ANO4: variants seen among roughly 807,000 people sequenced by gnomAD.
ANO4 encodes anoctamin 4.
ANO4 carries 69 observed loss-of-function variants against 141.9 expected under a neutral mutation model. The ratio of observed to expected loss-of-function variants is 0.49; its 90% CI spans 0.40 to 0.59. The LOEUF (loss-of-function observed/expected upper bound fraction) is 0.59, where lower values mean the gene tolerates loss of function less well. Among genes scored for constraint, ANO4 ranks in the 20% least tolerant of loss-of-function variants. The pLI is 0.00. For missense variants in ANO4, 894 were observed against 1,162.2 expected, an observed-to-expected ratio of 0.77 and a Z score of 3.36; for synonymous variants, 350 against 394.3, an observed-to-expected ratio of 0.89 and a Z score of 1.33.
chr12:101,094,167 C>T (rs960842154), intron 17 of ANO4, 89 bp from the exon 18 acceptor site: 8 of 1,019,572 alleles, frequency 7.8e-6, no homozygotes, highest in African/African-American at 1.6e-5. Flanking sequence ...ATTATTTTGA[C>T]TCGTGATTTG....
chr12:101,124,588 T>G (rs1006684005), intron 26 of ANO4, among the ~76,000 whole-genome samples: 2 of 152,204 alleles, frequency 1.3e-5, no homozygotes, highest in African/African-American at 4.8e-5. Flanking sequence ...TCTTCTAGGA[T>G]TTTTATAGTT....
chr12:100,811,231 A>G (rs1175915785), intron 1 of ANO4, among the ~76,000 whole-genome samples: 1 of 152,180 alleles, frequency 6.6e-6, no homozygotes, highest in Admixed American at 6.6e-5. Context: ...ATTATAAATT[A>G]CCTCACATAT....
At chr12:100,774,497 T>C (rs988944526) in intron 3 of ANO4, among the ~76,000 whole-genome samples, 3 of 152,218 alleles carry the variant, frequency 2.0e-5, no homozygotes, top group Non-Finnish European at 4.4e-5. Context: ...CTGAAACAGA[T>C]TGAGTTTTTT....
In ANO4 at chr12:101,020,511, G is replaced by T. The variant is rs144658915; in HGVS notation, c.841+371G>T. Among the ~76,000 whole-genome samples the T allele has an allele frequency of 2.7e-4, 41 of 152,312 alleles. 1 individual carries two copies. In the East Asian group the frequency reaches 7.7e-3, roughly 29 times the overall value. Reference sequence around the variant, plus strand: ...ACAATAACATGAAGAAATTAAACTGGATGATGATACAGAGATAGGCTGGTA... The same window carrying T: ...ACAATAACATGAAGAAATTAAACTGTATGATGATACAGAGATAGGCTGGTA... On this transcript the variant is annotated intron_variant, in intron 9 of 27. Coordinates refer to ENST00000392977, the MANE Select transcript of ANO4 (RefSeq NM_001286615.2).
chr12:101,051,144 T>C (rs1004935146), intron 14 of ANO4, among the ~76,000 whole-genome samples: 1 of 152,224 alleles, frequency 6.6e-6, no homozygotes, highest in Non-Finnish European at 1.5e-5. Flanking sequence ...TAAAATGGAT[T>C]GCATACCCTC....
intron 1 of ANO4, among the ~76,000 whole-genome samples, chr12:100,849,588 TC>T (rs2037761199): frequency 1.3e-5 from 2 of 152,358 alleles, no homozygotes; most frequent in South Asian, 4.1e-4. Context: ...TTTATCTCTT[TC>T]ATTGTTTCAA....
intron 7 of ANO4, among the ~76,000 whole-genome samples, chr12:100,986,551 A>G (rs988806771): frequency 2.6e-5 from 4 of 152,208 alleles, no homozygotes; most frequent in African/African-American, 9.6e-5. Context: ...AACTTAGCCA[A>G]GTTGACACAG....
chr12:100,999,633 G>T lies in ANO4; in HGVS notation c.734+11963G>T, dbSNP rs576371802. 2.3e-4 allele frequency among the ~76,000 whole-genome samples: 35 copies of T among 152,212 alleles called. 1 individual carries two copies. The highest frequency in any genetic ancestry group is 1.5e-5 in the Non-Finnish European group (1 of 68,016). On this transcript the variant is annotated intron_variant, in intron 8 of 27. Coordinates refer to ENST00000392977, the MANE Select transcript of ANO4 (RefSeq NM_001286615.2). ...GTACAAATTTGCCAATCCAAAAAGT[G>T]CCAAGGGTTGGGACAGAGGACAGGA...
rs368894285 is a variant in ANO4, at chr12:100,807,622, C to T, written c.-141+12595C>T. On this transcript the variant is annotated intron_variant, in intron 1 of 27. Coordinates refer to ENST00000392977, the MANE Select transcript of ANO4 (RefSeq NM_001286615.2). The stretch of plus-strand genomic sequence containing the variant: ...AGTGTGGGTTTGTTGCATAGGTAAA[C>T]GTGTGCCAGGGTGGTTTGTGACACA... 5.9e-5 allele frequency among the ~76,000 whole-genome samples: 9 copies of T among 152,138 alleles called. No homozygotes were observed. In the South Asian group the frequency reaches 6.2e-4, roughly 11 times the overall value.
chr12:100,888,052 A>G (rs1212335376), intron 1 of ANO4, among the ~76,000 whole-genome samples: 1 of 152,238 alleles, frequency 6.6e-6, no homozygotes, highest in Non-Finnish European at 1.5e-5. Flanking sequence ...AGACAAAGTG[A>G]GAAATTCAGG....
At position 100,863,593 on chromosome 12, in the gene ANO4, T is replaced by C. The variant is rs146790933; in HGVS notation, c.-140-38053T>C. ...ATTAATTTACAATTAGAATAAAGTT[T>C]ATTTATAGATAAGTAAAAGGGCTAA... On this transcript the variant is annotated intron_variant, in intron 1 of 27. Transcript: ENST00000392977. 1.7e-4 allele frequency among the ~76,000 whole-genome samples: 26 copies of C among 152,292 alleles called. No individual in the cohort carries two copies. The East Asian group carries it at 5.0e-3, about 29-fold the overall frequency.
intron 14 of ANO4, among the ~76,000 whole-genome samples, chr12:101,050,006 C>T (rs907465156): frequency 6.6e-5 from 10 of 151,836 alleles, no homozygotes; most frequent in African/African-American, 2.4e-4. Context: ...GGAATGGACA[C>T]TGAAAAATAC....
At chr12:101,112,829 C>G (rs1016237387) in intron 24 of ANO4, among the ~76,000 whole-genome samples, 1 of 152,196 alleles carries the variant, frequency 6.6e-6, no homozygotes, top group African/African-American at 2.4e-5. Context: ...AAGTTCTTGA[C>G]TACTATAAGC....
chr12:100,730,891 A>C (rs189958339), intron 1 of ANO4, among the ~76,000 whole-genome samples: 2 of 152,324 alleles, frequency 1.3e-5, no homozygotes, highest in Admixed American at 1.3e-4. Flanking sequence ...CTGGCCTCTG[A>C]GAGCCACCAC....
At chr12:100,847,572 C>T (rs558729542) in intron 1 of ANO4, among the ~76,000 whole-genome samples, 35 of 150,904 alleles carry the variant, frequency 2.3e-4, no homozygotes, top group African/African-American at 4.4e-4. Context: ...CCCGGGTTCA[C>T]GCCATTCTCC....
At chr12:100,878,454 C>T (rs2039418179) in intron 1 of ANO4, among the ~76,000 whole-genome samples, 1 of 152,168 alleles carries the variant, frequency 6.6e-6, no homozygotes, top group Non-Finnish European at 1.5e-5. Context: ...TATCAACACT[C>T]ACTGAGATAC....
chr12:100,833,762 C>G (rs1162603125), intron 1 of ANO4, among the ~76,000 whole-genome samples: 1 of 152,012 alleles, frequency 6.6e-6, no homozygotes, highest in Non-Finnish European at 1.5e-5. Context: ...TTCCTTGTCT[C>G]AGAGCCTCAT....
At chr12:100,788,048 A>G (rs1204846125) in intron 3 of ANO4, among the ~76,000 whole-genome samples, 2 of 152,216 alleles carry the variant, frequency 1.3e-5, no homozygotes, top group African/African-American at 4.8e-5. Flanking sequence ...TTCATACTTT[A>G]TCCCTGATTG....
intron 1 of ANO4, among the ~76,000 whole-genome samples, chr12:100,827,755 T>C (rs1235389677): frequency 2.6e-5 from 4 of 152,058 alleles, no homozygotes; most frequent in Non-Finnish European, 5.9e-5. Context: ...ATTCTGTATT[T>C]GGAGGTGCTA....
Sources: gnomAD v4.1 joint callset for allele counts (sites outside exome capture counted in the v4.1 genomes callset) on GRCh38, gnomAD v4.1.1 for gene constraint, MANE v1.5 for transcripts, NCBI Gene and HGNC (gene_info 2026-07-23, HGNC 2026-07-21) for gene names.